Variants in PPP3CC observed in about 807,000 individuals in gnomAD.
PPP3CC encodes the protein protein phosphatase 3 catalytic subunit gamma, also known as serine/threonine-protein phosphatase 2B catalytic subunit gamma isoform.
A neutral mutation model predicts 60.3 loss-of-function variants in PPP3CC; 35 were observed. The observed-to-expected ratio is 0.58, with a 90% CI of 0.44 to 0.77. The LOEUF (loss-of-function observed/expected upper bound fraction) is 0.77, where lower values mean the gene tolerates loss of function less well. Among genes scored for constraint, PPP3CC ranks in the 30% least tolerant of loss-of-function variants. The pLI is 0.00. For synonymous variants in PPP3CC, 206 were observed against 224.3 expected (o/e 0.92, Z 0.73); for missense variants, 570 against 628.9 (o/e 0.91, Z 1.00).
intron 13 of PPP3CC, among the ~76,000 whole-genome samples, chr8:22,539,846 G>T (rs1338648903): frequency 6.6e-6 from 1 of 152,172 alleles, no homozygotes; most frequent in East Asian, 1.9e-4. Context: ...AGCCAAATAG[G>T]TCAGCCTCTT....
At chr8:22,482,204 T>C (rs1586819131) in intron 3 of PPP3CC, among the ~76,000 whole-genome samples, 2 of 152,222 alleles carry the variant, frequency 1.3e-5, no homozygotes, top group East Asian at 3.8e-4. Context: ...TGTTGTTTCC[T>C]GACTTTTTAA....
At chr8:22,452,033 TAACA>T (rs1563673547) in intron 1 of PPP3CC, among the ~76,000 whole-genome samples, 2 of 151,380 alleles carry the variant, frequency 1.3e-5, no homozygotes, top group Non-Finnish European at 2.9e-5. Flanking sequence ...TTTTTTTTTT[TAACA>T]GTTTTAGAGA....
chr8:22,533,012 G>A lies in PPP3CC; in HGVS notation c.1315G>A (p.Glu439Lys), dbSNP rs375281540. The A allele has an allele frequency of 3.3e-5, 53 of 1,597,512 alleles. No individual in the cohort carries two copies. Among genetic ancestry groups the A allele is most frequent in the Non-Finnish European group, 3.9e-5 (46 of 1,170,100 alleles). Residue 439 changes from glutamate to lysine, a missense_variant, in exon 12 of 14, where the codon GAG becomes AAG. Transcript: ENST00000240139. ...GVLSGGKQTI[E>K]TATVEAVEAR... ...CCTCTCAGGAGGCAAGCAGACTATC[G>A]AGACAGGTGAGTATGAGAGTGCTCC... is the stretch of plus-strand genomic sequence containing the variant.
Position 22,498,049 on chromosome 8 carries a change from T to C in PPP3CC, c.421T>C (p.Phe141Leu), listed in dbSNP as rs767517685. 6.2e-7 allele frequency: 1 copy of C among 1,613,554 alleles called. No individual in the cohort carries two copies. Among genetic ancestry groups the C allele is most frequent in the Non-Finnish European group, 8.5e-7 (1 of 1,179,642 alleles). ...AAAGATTAATCATCCCAAAACATTG[T>C]TTCTGCTTCGGGGAAATCATGAATG... ...SLKINHPKTL[F>L]LLRGNHECRH... Residue 141 changes from phenylalanine (F) to leucine (L), a missense_variant, in exon 4 of 14, where the codon TTT (phenylalanine) becomes CTT (leucine). Physicochemically the swap from Phe to Leu is conservative, Grantham distance 22 (BLOSUM62 0). Transcript: ENST00000240139.
chr8:22,482,634 A>G (rs1029837080), intron 3 of PPP3CC, among the ~76,000 whole-genome samples: 1 of 152,092 alleles, frequency 6.6e-6, no homozygotes, highest in Non-Finnish European at 1.5e-5. Flanking sequence ...AATGAAGCAT[A>G]TAAAAGTTTT....
chr8:22,463,161 G>T (rs1837413565), intron 1 of PPP3CC, among the ~76,000 whole-genome samples: 1 of 152,164 alleles, frequency 6.6e-6, no homozygotes. Context: ...GAGAATAAAG[G>T]ACAAAATCAT....
intron 4 of PPP3CC, among the ~76,000 whole-genome samples, chr8:22,510,521 A>G (rs1027111978): frequency 6.6e-6 from 1 of 152,178 alleles, no homozygotes; most frequent in South Asian, 2.1e-4. Flanking sequence ...TGTCATCCAT[A>G]TACTTAAAAG....
chr8:22,520,677 GTTTC>G (rs1230438853), intron 6 of PPP3CC, among the ~76,000 whole-genome samples: 1 of 151,868 alleles, frequency 6.6e-6, no homozygotes, highest in Admixed American at 6.6e-5. Context: ...TATGGTTTCT[GTTTC>G]TTTATTAAAC....
chr8:22,463,572 C>A (rs1370402139), intron 1 of PPP3CC, among the ~76,000 whole-genome samples: 1 of 152,094 alleles, frequency 6.6e-6, no homozygotes, highest in Admixed American at 6.5e-5. Context: ...TCTTCTATTG[C>A]AGAAAGTACA....
chr8:22,474,561 A>G (rs944224401), intron 1 of PPP3CC, among the ~76,000 whole-genome samples: 1 of 152,040 alleles, frequency 6.6e-6, no homozygotes, highest in Non-Finnish European at 1.5e-5. Flanking sequence ...AAAATTAGCC[A>G]GGTGTGGTGG....
At chr8:22,535,248 C>G (rs1054989056) in intron 12 of PPP3CC, among the ~76,000 whole-genome samples, 5 of 152,056 alleles carry the variant, frequency 3.3e-5, no homozygotes, top group Non-Finnish European at 7.4e-5. Flanking sequence ...TGAAATTTAC[C>G]CAGGAGCTGA....
intron 6 of PPP3CC, among the ~76,000 whole-genome samples, chr8:22,519,105 A>G (rs1049232559): frequency 6.6e-6 from 1 of 152,148 alleles, no homozygotes; most frequent in South Asian, 2.1e-4. Context: ...TTTCTGTTGT[A>G]TTGACCCTTT....
At chr8:22,473,249 A>G (rs1586809227) in intron 1 of PPP3CC, among the ~76,000 whole-genome samples, 1 of 152,284 alleles carries the variant, frequency 6.6e-6, no homozygotes, top group African/African-American at 2.4e-5. Flanking sequence ...CTCCTTTTAA[A>G]TTTATGGTTT....
chr8:22,456,365 A>C (rs1837195277), intron 1 of PPP3CC, among the ~76,000 whole-genome samples: 1 of 152,346 alleles, frequency 6.6e-6, no homozygotes, highest in South Asian at 2.1e-4. Flanking sequence ...AAAAGGTTGC[A>C]GAATTTCTTG....
chr8:22,539,614 A>C, intron 13 of PPP3CC, 116 bp downstream of exon 13: 2 of 1,088,316 alleles, frequency 1.8e-6, no homozygotes, highest in Non-Finnish European at 2.7e-6. Flanking sequence ...AACAGTGAGA[A>C]AAGGTATAGT....
chr8:22,465,207 T>C (rs1420901606), intron 1 of PPP3CC, among the ~76,000 whole-genome samples: 1 of 152,118 alleles, frequency 6.6e-6, no homozygotes, highest in Non-Finnish European at 1.5e-5. Context: ...GCATTCTGCC[T>C]GGCTCAGCCT....
intron 1 of PPP3CC, among the ~76,000 whole-genome samples, chr8:22,457,079 C>A (rs965657615): frequency 7.4e-6 from 1 of 134,468 alleles, no homozygotes; most frequent in African/African-American, 2.8e-5. Context: ...CCCTCCTTCC[C>A]TCCCTCCTTC....
intron 1 of PPP3CC, among the ~76,000 whole-genome samples, chr8:22,470,985 G>A (rs1029078209): frequency 1.3e-5 from 2 of 152,180 alleles, no homozygotes; most frequent in African/African-American, 4.8e-5. Context: ...AAATTGGAAA[G>A]CTGCTCTAGT....
rs188682036 is a variant in PPP3CC, at chr8:22,539,176, G to T, written c.1322-293G>T. ...TTGATTCTACATGTTGTTTCGATAC[G>T]TGGATATCAAGATATAAAGTAGCAG... On this transcript the variant is annotated intron_variant, in intron 12 of 13. Transcript: ENST00000240139. Among the ~76,000 whole-genome samples, 118 of 152,256 alleles carry T rather than the reference G, an allele frequency of 7.8e-4. 1 individual carries two copies. The highest frequency in any genetic ancestry group is 2.6e-3 in the African/African-American group (109 of 41,528).
Sources: allele counts gnomAD v4.1 joint callset (sites outside exome capture counted in the v4.1 genomes callset), GRCh38; gene constraint gnomAD v4.1.1; transcripts MANE v1.5; gene names NCBI Gene and HGNC (gene_info 2026-07-23, HGNC 2026-07-21).